The following SNTG1 variants were observed in gnomAD, a reference collection of about 807,000 sequenced individuals.
SNTG1 encodes syntrophin gamma 1, also known as gamma-1-syntrophin.
A neutral mutation model predicts 74.7 loss-of-function variants in SNTG1; 39 were observed. That is an observed-to-expected ratio of 0.52 (90% CI 0.40 to 0.68). The LOEUF is 0.68. Among genes scored for constraint, SNTG1 ranks in the 30% least tolerant of loss-of-function variants. SNTG1 has a pLI of 0.00. For synonymous variants in SNTG1, 254 were observed against 217.1 expected, an observed-to-expected ratio of 1.17 and a Z score of -1.49; for missense variants, 685 against 609.5, an observed-to-expected ratio of 1.12 and a Z score of -1.30.
At chr8:50,017,290 G>T (rs1816415512) in intron 1 of SNTG1, among the ~76,000 whole-genome samples, 1 of 151,700 alleles carries the variant, frequency 6.6e-6, no homozygotes, top group Admixed American at 6.6e-5. Flanking sequence ...AGAGAAAAAG[G>T]GAATTTTAAA....
intron 1 of SNTG1, among the ~76,000 whole-genome samples, chr8:49,975,379 A>T (rs563444583): frequency 6.6e-6 from 1 of 152,222 alleles, no homozygotes; most frequent in South Asian, 2.1e-4. Flanking sequence ...ATGCTTGTTG[A>T]TGTTGGTGAT....
At chr8:50,030,419 C>T (rs1817645077) in intron 1 of SNTG1, among the ~76,000 whole-genome samples, 3 of 152,042 alleles carry the variant, frequency 2.0e-5, no homozygotes, top group African/African-American at 2.4e-5. Context: ...AACTCTATAC[C>T]TAGCTATAGG....
chr8:50,769,060 A>G (rs2095620694), intron 18 of SNTG1, among the ~76,000 whole-genome samples: 1 of 151,748 alleles, frequency 6.6e-6, no homozygotes, highest in South Asian at 2.1e-4. Flanking sequence ...TTTTTCATTG[A>G]TATATTTTTT....
chr8:49,921,646 G>T (rs1806557438), intron 1 of SNTG1, among the ~76,000 whole-genome samples: 1 of 152,094 alleles, frequency 6.6e-6, no homozygotes, highest in Admixed American at 6.6e-5. Flanking sequence ...TGAGTGCTTT[G>T]TTGCATTTGA....
intron 12 of SNTG1, 70 bp from the exon 13 acceptor site, chr8:50,590,809 A>G: frequency 2.0e-6 from 2 of 993,286 alleles, no homozygotes; most frequent in Non-Finnish European, 1.5e-6. Flanking sequence ...AATAATCTGC[A>G]TAAAATTCTG....
chr8:50,192,765 C>T (rs2083622641), intron 2 of SNTG1, among the ~76,000 whole-genome samples: 1 of 151,762 alleles, frequency 6.6e-6, no homozygotes, highest in Non-Finnish European at 1.5e-5. Context: ...TTAATTTCTA[C>T]AATTTTTATA....
At chr8:50,386,399 A>G (rs879269827) in intron 2 of SNTG1, among the ~76,000 whole-genome samples, 1 of 151,918 alleles carries the variant, frequency 6.6e-6, no homozygotes, top group Non-Finnish European at 1.5e-5. Context: ...GTTCACATTT[A>G]TTTGCCCTGG....
At chr8:50,643,494 T>C (rs976608606) in intron 13 of SNTG1, among the ~76,000 whole-genome samples, 5 of 152,214 alleles carry the variant, frequency 3.3e-5, no homozygotes, top group Admixed American at 3.3e-4. Flanking sequence ...ACAGCTGATA[T>C]AAAATGACAA....
intron 1 of SNTG1, among the ~76,000 whole-genome samples, chr8:50,066,894 A>G (rs1230671412): frequency 6.6e-6 from 1 of 152,238 alleles, no homozygotes; most frequent in African/African-American, 2.4e-5. Context: ...TGGAAATAAA[A>G]AACAGTAAAG....
chr8:50,087,840 T>A (rs1020509179), intron 1 of SNTG1, among the ~76,000 whole-genome samples: 1 of 151,500 alleles, frequency 6.6e-6, no homozygotes, highest in African/African-American at 2.4e-5. Flanking sequence ...TGCAGGTTAG[T>A]TACATATGTA....
Position 49,956,412 on chromosome 8 carries a change from C to A in SNTG1, c.-103+44181C>A, listed in dbSNP as rs559245512. Among the ~76,000 whole-genome samples the A allele has an allele frequency of 3.9e-5, 6 of 152,294 alleles. No homozygotes were observed. In the East Asian group the frequency reaches 1.2e-3, roughly 29 times the overall value. ...TATTTTGCTATTTTATACAGTGGTT[C>A]TAGCATATCTCCTCAGTGTGTGTTA... On this transcript the variant is annotated intron_variant, in intron 1 of 18. Coordinates refer to ENST00000642720, the MANE Select transcript of SNTG1 (RefSeq NM_018967.5).
intron 1 of SNTG1, among the ~76,000 whole-genome samples, chr8:49,956,862 T>C (rs943069364): frequency 5.9e-5 from 9 of 152,152 alleles, no homozygotes; most frequent in African/African-American, 2.2e-4. Context: ...TCTCTCTTTT[T>C]TAAAGATTTT....
At chr8:50,309,837 T>A (rs1467104574) in intron 2 of SNTG1, among the ~76,000 whole-genome samples, 1 of 152,200 alleles carries the variant, frequency 6.6e-6, no homozygotes. Context: ...AAAAAAAACC[T>A]TTTTATTGCA....
intron 4 of SNTG1, among the ~76,000 whole-genome samples, chr8:50,414,613 A>G (rs918534676): frequency 4.6e-5 from 7 of 150,572 alleles, no homozygotes; most frequent in Admixed American, 2.6e-4. Context: ...TTTCCTTATT[A>G]CTCTGACTGC....
intron 11 of SNTG1, among the ~76,000 whole-genome samples, chr8:50,542,511 A>T (rs920003314): frequency 6.6e-6 from 1 of 152,150 alleles, no homozygotes; most frequent in African/African-American, 2.4e-5. Flanking sequence ...ACTTAGGTTG[A>T]TTTCACATTT....
intron 2 of SNTG1, among the ~76,000 whole-genome samples, chr8:50,369,613 A>T (rs1422950417): frequency 1.3e-5 from 2 of 149,184 alleles, no homozygotes; most frequent in African/African-American, 5.0e-5. Flanking sequence ...AAAAAAAAAA[A>T]AGAAAAGAAA....
chr8:49,957,546 A>G (rs1242881421), intron 1 of SNTG1, among the ~76,000 whole-genome samples: 2 of 152,188 alleles, frequency 1.3e-5, no homozygotes, highest in Non-Finnish European at 2.9e-5. Context: ...AGCAGGCAGA[A>G]TGTTTGGGAA....
intron 8 of SNTG1, among the ~76,000 whole-genome samples, chr8:50,475,604 C>G (rs946824717): frequency 1.3e-5 from 2 of 152,122 alleles, no homozygotes; most frequent in African/African-American, 4.8e-5. Flanking sequence ...CATCTCTTTA[C>G]CGGCCTCCCA....
chr8:49,983,021 C>A (rs1289567712), intron 1 of SNTG1, among the ~76,000 whole-genome samples: 1 of 152,136 alleles, frequency 6.6e-6, no homozygotes, highest in East Asian at 1.9e-4. Flanking sequence ...TAAAGTTATA[C>A]CAATGAACCT....
Sources: gnomAD v4.1 joint callset for allele counts (sites outside exome capture counted in the v4.1 genomes callset) on GRCh38, gnomAD v4.1.1 for gene constraint, MANE v1.5 for transcripts, NCBI Gene and HGNC (gene_info 2026-07-23, HGNC 2026-07-21) for gene names.